The following KIF6 variants were observed in gnomAD, a reference collection of about 807,000 sequenced individuals.
KIF6 encodes the protein kinesin family member 6.
In KIF6, 106 loss-of-function variants were observed where a neutral mutation model predicts 112.7. That is an observed-to-expected ratio of 0.94 (90% CI 0.80 to 1.11). KIF6 has a LOEUF of 1.11. Ranked by LOEUF, KIF6 falls within the 50% of genes least tolerant of loss-of-function variation. KIF6 has a pLI of 0.00. For missense variants in KIF6, 929 were observed against 964.0 expected (o/e 0.96, Z 0.48); for synonymous variants, 339 against 339.9 (o/e 1.00, Z 0.03).
intron 13 of KIF6, among the ~76,000 whole-genome samples, chr6:39,444,854 G>T (rs942247719): frequency 2.0e-5 from 3 of 151,842 alleles, no homozygotes; most frequent in African/African-American, 7.3e-5. Context: ...GGAAATTTTT[G>T]GAGGGTTGTG....
At chr6:39,463,000 A>C (rs1773570227) in intron 13 of KIF6, among the ~76,000 whole-genome samples, 1 of 152,222 alleles carries the variant, frequency 6.6e-6, no homozygotes, top group African/African-American at 2.4e-5. Context: ...TTAACACGTC[A>C]AATAGAATGT....
At chr6:39,583,604 C>A (rs994817878) in intron 9 of KIF6, 14 of 302,774 alleles carry the variant, frequency 4.6e-5, no homozygotes, top group South Asian at 1.1e-4. Context: ...ATATGGGTAA[C>A]AATTAATTTG....
intron 3 of KIF6, among the ~76,000 whole-genome samples, chr6:39,675,005 C>G (rs1169687494): frequency 6.6e-6 from 1 of 151,976 alleles, no homozygotes; most frequent in African/African-American, 2.4e-5. Context: ...CTATAGCTGT[C>G]CAGAAAGCCT....
intron 3 of KIF6, among the ~76,000 whole-genome samples, chr6:39,664,762 T>C (rs992784917): frequency 6.6e-6 from 1 of 152,202 alleles, no homozygotes; most frequent in African/African-American, 2.4e-5. Flanking sequence ...GTGATTTAAT[T>C]TGGGAGTCAA....
At chr6:39,403,021 A>C (rs1021485667) in intron 15 of KIF6, among the ~76,000 whole-genome samples, 12 of 151,726 alleles carry the variant, frequency 7.9e-5, no homozygotes, top group Non-Finnish European at 7.4e-5. Context: ...AATTACCTAA[A>C]GTGCTCTTTC....
chr6:39,406,343 TG>T (rs1475643937), intron 15 of KIF6, among the ~76,000 whole-genome samples: 1 of 152,214 alleles, frequency 6.6e-6, no homozygotes, highest in Non-Finnish European at 1.5e-5. Flanking sequence ...TTGGTTATTT[TG>T]TCTTTTCTCT....
At chr6:39,402,460 A>G (rs1176978827) in intron 15 of KIF6, among the ~76,000 whole-genome samples, 2 of 152,162 alleles carry the variant, frequency 1.3e-5, no homozygotes, top group Non-Finnish European at 2.9e-5. Context: ...TTTTGTGGAG[A>G]CAGACTAAAA....
At chr6:39,605,391 T>C (rs1782828188) in intron 6 of KIF6, among the ~76,000 whole-genome samples, 1 of 152,076 alleles carries the variant, frequency 6.6e-6, no homozygotes, top group South Asian at 2.1e-4. Flanking sequence ...AGTGGAATAA[T>C]AATATTATGG....
At chr6:39,453,481 C>G (rs1030607624) in intron 13 of KIF6, among the ~76,000 whole-genome samples, 4 of 152,204 alleles carry the variant, frequency 2.6e-5, no homozygotes, top group Admixed American at 6.5e-5. Flanking sequence ...AATTGTCTGA[C>G]TTCCAACTGT....
In KIF6 at chr6:39,363,098, G is replaced by A. The variant is rs188586073; in HGVS notation, c.1862-580C>T. On this transcript the variant is annotated intron_variant, in intron 16 of 22. Coordinates refer to ENST00000287152, the MANE Select transcript of KIF6 (RefSeq NM_145027.6). ...TGGGAGGCGGAGGTTGCAGTGAGCC[G>A]AGATCATGCCATTGCACTCCAGCTT... Among the ~76,000 whole-genome samples the A allele has an allele frequency of 3.2e-3, 494 of 152,292 alleles. 2 individuals are homozygous for A. Among genetic ancestry groups the A allele is most frequent in the African/African-American group, 9.6e-3 (397 of 41,546 alleles).
chr6:39,611,648 A>G (rs777078678), intron 6 of KIF6, among the ~76,000 whole-genome samples: 1 of 152,198 alleles, frequency 6.6e-6, no homozygotes, highest in Non-Finnish European at 1.5e-5. Context: ...TGTTTTCCTT[A>G]TAGAAGTTTA....
chr6:39,613,301 TC>T lies in KIF6; in HGVS notation c.526del (p.Glu176ArgfsTer9). On this transcript the variant is annotated frameshift_variant, in exon 6 of 23. Coordinates refer to ENST00000287152, the MANE Select transcript of KIF6 (RefSeq NM_145027.6). LOFTEE classifies it high-confidence loss of function. The stretch of plus-strand genomic sequence containing the variant: ...CAGGTGAATGTTCTGATCAGGATCC[TC>T]CAGTATTGTCACTTTCCTAAGCAAA... ...LEDLPKVTIL[E>X]DPDQNIHLKN... 6.3e-7 allele frequency: 1 copy of T among 1,591,438 alleles called. No individual in the cohort carries two copies. The highest frequency in any genetic ancestry group is 1.8e-5 in the Admixed American group (1 of 55,736).
At chr6:39,675,510 T>C (rs191571506) in intron 3 of KIF6, among the ~76,000 whole-genome samples, 5 of 152,158 alleles carry the variant, frequency 3.3e-5, no homozygotes, top group Admixed American at 2.6e-4. Flanking sequence ...ATAAATCTAC[T>C]CTATAGTGAT....
At chr6:39,577,572 TACCTGCTTTC>T (rs1429143208) in intron 10 of KIF6, among the ~76,000 whole-genome samples, 1 of 152,242 alleles carries the variant, frequency 6.6e-6, no homozygotes, top group Non-Finnish European at 1.5e-5. Context: ...AAGCCCTGAA[TACCTGCTTTC>T]ATTCCCAGTT....
At chr6:39,407,921 GA>G (rs1213500907) in intron 15 of KIF6, among the ~76,000 whole-genome samples, 1 of 152,006 alleles carries the variant, frequency 6.6e-6, no homozygotes, top group Non-Finnish European at 1.5e-5. Context: ...AAAGCAACTT[GA>G]AAAACAGAAA....
intron 15 of KIF6, among the ~76,000 whole-genome samples, chr6:39,393,278 C>A (rs939026941): frequency 6.6e-6 from 1 of 152,194 alleles, no homozygotes; most frequent in Non-Finnish European, 1.5e-5. Context: ...AGGGTGAGTG[C>A]GTGGACTCTG....
chr6:39,552,185 A>C, intron 10 of KIF6, among the ~76,000 whole-genome samples: 1 of 152,228 alleles, frequency 6.6e-6, no homozygotes, highest in Non-Finnish European at 1.5e-5. Context: ...TGTTCTGTGA[A>C]GGAGGAACTA....
chr6:39,582,893 T>A (rs918989834), intron 9 of KIF6, among the ~76,000 whole-genome samples: 1 of 152,364 alleles, frequency 6.6e-6, no homozygotes, highest in East Asian at 1.9e-4. Context: ...ATAAAATGAC[T>A]GACAGTAATG....
chr6:39,353,402 C>G (rs530175026), intron 19 of KIF6, among the ~76,000 whole-genome samples: 5 of 152,100 alleles, frequency 3.3e-5, no homozygotes, highest in African/African-American at 1.2e-4. Flanking sequence ...AGATCTTTTG[C>G]CCACTTTTAA....
Sources: allele counts gnomAD v4.1 joint callset (sites outside exome capture counted in the v4.1 genomes callset), GRCh38; gene constraint gnomAD v4.1.1; transcripts MANE v1.5; gene names NCBI Gene and HGNC (gene_info 2026-07-23, HGNC 2026-07-21).